LINGO2: variants seen among roughly 807,000 people sequenced by gnomAD.
LINGO2 encodes the protein leucine rich repeat and Ig domain containing 2.
Under a neutral mutation model 30.6 loss-of-function variants are expected in LINGO2, and 14 were observed. The observed-to-expected ratio is 0.46, with a 90% CI of 0.30 to 0.72. The LOEUF is 0.72. LINGO2 is among the 30% of genes least tolerant of loss of function. The pLI is 0.07. For missense variants in LINGO2, 729 were observed against 751.7 expected, an observed-to-expected ratio of 0.97 and a Z score of 0.35; for synonymous variants, 317 against 288.5, an observed-to-expected ratio of 1.10 and a Z score of -1.00.
At chr9:28,173,819 T>C (rs1002374115) in intron 4 of LINGO2, among the ~76,000 whole-genome samples, 19 of 152,238 alleles carry the variant, frequency 1.2e-4, no homozygotes, top group African/African-American at 4.6e-4. Flanking sequence ...TTTTATCTTA[T>C]TGAGCCACTG....
In LINGO2 at chr9:28,376,686, T is replaced by A. The variant is rs549730941; in HGVS notation, c.-278-3818A>T. On this transcript the variant is annotated intron_variant, in intron 2 of 5. Coordinates refer to ENST00000379992, the Ensembl canonical transcript of LINGO2. The stretch of plus-strand genomic sequence containing the variant: ...TCAGCTTGGGACACCTATAAATACA[T>A]TGATCCCAAGTAACTTCCCAATAAA... 6.8e-4 allele frequency among the ~76,000 whole-genome samples: 103 copies of A among 152,280 alleles called. 1 individual carries two copies. The highest frequency in any genetic ancestry group is 2.4e-3 in the African/African-American group (100 of 41,568).
At chr9:28,494,764 C>T (rs1819532018) in intron 1 of LINGO2, among the ~76,000 whole-genome samples, 1 of 152,162 alleles carries the variant, frequency 6.6e-6, no homozygotes, top group South Asian at 2.1e-4. Context: ...AATAGTATTT[C>T]TAGTTCTAGA....
At chr9:29,103,030 C>A in the LINGO2 span, among the ~76,000 whole-genome samples, 1 of 151,976 alleles carries the variant, frequency 6.6e-6, no homozygotes, top group Non-Finnish European at 1.5e-5. Flanking sequence ...TTCAACAGTA[C>A]TTGAAGAAAC....
chr9:28,432,330 G>C (rs1039918830), intron 2 of LINGO2, among the ~76,000 whole-genome samples: 1 of 151,864 alleles, frequency 6.6e-6, no homozygotes, highest in African/African-American at 2.4e-5. Context: ...CACTATGTGA[G>C]CTGAAGTTGT....
At chr9:28,950,898 T>C in the LINGO2 span, among the ~76,000 whole-genome samples, 1 of 152,048 alleles carries the variant, frequency 6.6e-6, no homozygotes, top group South Asian at 2.1e-4. Flanking sequence ...TGACTTTAAA[T>C]TTCATATGGA....
chr9:28,848,123 ACAC>A, the LINGO2 span, among the ~76,000 whole-genome samples: 1 of 88,676 alleles, frequency 1.1e-5, no homozygotes, highest in South Asian at 3.6e-4. Flanking sequence ...CACTATATAT[ACAC>A]TATATATAGC....
the LINGO2 span, among the ~76,000 whole-genome samples, chr9:28,726,045 T>G: frequency 6.6e-6 from 1 of 152,154 alleles, no homozygotes; most frequent in Non-Finnish European, 1.5e-5. Flanking sequence ...TAGTTTCATA[T>G]GTTACATGTG....
chr9:28,860,474 C>T, the LINGO2 span, among the ~76,000 whole-genome samples: 4 of 151,960 alleles, frequency 2.6e-5, no homozygotes, highest in Admixed American at 2.6e-4. Flanking sequence ...TGCCCTGAGC[C>T]TCCAGACAGC....
intron 2 of LINGO2, among the ~76,000 whole-genome samples, chr9:28,383,517 C>A (rs1381364033): frequency 6.6e-6 from 1 of 151,936 alleles, no homozygotes; most frequent in Non-Finnish European, 1.5e-5. Context: ...GGCAGTCAAA[C>A]TCCTCAGGGG....
the LINGO2 span, among the ~76,000 whole-genome samples, chr9:29,018,089 TTTTATATATA>T: frequency 4.9e-4 from 67 of 136,810 alleles, no homozygotes; most frequent in African/African-American, 1.6e-3. Flanking sequence ...TAAATATACA[TTTTATATATA>T]TATATATATA....
the LINGO2 span, among the ~76,000 whole-genome samples, chr9:28,804,572 A>AAAAC: frequency 6.6e-6 from 1 of 151,700 alleles, no homozygotes; most frequent in African/African-American, 2.4e-5. Flanking sequence ...AACAAAAAAA[A>AAAAC]AACAGATCTG....
At chr9:29,031,382 A>G in the LINGO2 span, among the ~76,000 whole-genome samples, 1 of 152,042 alleles carries the variant, frequency 6.6e-6, no homozygotes, top group African/African-American at 2.4e-5. Context: ...TCCAGGGTTC[A>G]AGCGATTCTT....
chr9:28,874,450 G>A, the LINGO2 span, among the ~76,000 whole-genome samples: 2 of 152,000 alleles, frequency 1.3e-5, no homozygotes. Flanking sequence ...CTGTTTTTAA[G>A]TGTATTACAT....
At chr9:28,379,047 G>A (rs1446361834) in intron 2 of LINGO2, among the ~76,000 whole-genome samples, 3 of 152,076 alleles carry the variant, frequency 2.0e-5, no homozygotes, top group Non-Finnish European at 4.4e-5. Flanking sequence ...AGCTCTCCAG[G>A]ACAGAGCTTA....
chr9:28,253,200 C>T (rs1442811565), intron 4 of LINGO2, among the ~76,000 whole-genome samples: 1 of 152,042 alleles, frequency 6.6e-6, no homozygotes, highest in Non-Finnish European at 1.5e-5. Flanking sequence ...AGAACAGAAA[C>T]ACATTTCTTT....
At chr9:28,348,794 G>A (rs1819708664) in intron 3 of LINGO2, among the ~76,000 whole-genome samples, 2 of 152,096 alleles carry the variant, frequency 1.3e-5, no homozygotes, top group South Asian at 4.2e-4. Context: ...GCACGCAGCT[G>A]GAGATCTGAG....
At chr9:29,002,399 G>A in the LINGO2 span, among the ~76,000 whole-genome samples, 2 of 152,070 alleles carry the variant, frequency 1.3e-5, no homozygotes, top group Non-Finnish European at 2.9e-5. Context: ...ACACAGATCT[G>A]AGTAAATAGC....
At chr9:28,247,242 A>T (rs1315567264) in intron 4 of LINGO2, among the ~76,000 whole-genome samples, 4 of 152,204 alleles carry the variant, frequency 2.6e-5, no homozygotes, top group African/African-American at 9.6e-5. Flanking sequence ...CAGCAATCCC[A>T]TTACTGGGTA....
chr9:28,440,358 T>A (rs552819680), intron 2 of LINGO2, among the ~76,000 whole-genome samples: 30 of 152,228 alleles, frequency 2.0e-4, no homozygotes, highest in Non-Finnish European at 4.0e-4. Flanking sequence ...GGTATTCTTT[T>A]AAGGGCAGAC....
Sources: gnomAD v4.1 joint callset for allele counts (sites outside exome capture counted in the v4.1 genomes callset) on GRCh38, gnomAD v4.1.1 for gene constraint, MANE v1.5 for transcripts, NCBI Gene and HGNC (gene_info 2026-07-23, HGNC 2026-07-21) for gene names.